The following DLGAP2 variants were observed in gnomAD, a reference collection of about 807,000 sequenced individuals.
DLGAP2 encodes the protein disks large-associated protein 2.
DLGAP2 carries 26 observed loss-of-function variants against 100.3 expected under a neutral mutation model. That is an observed-to-expected ratio of 0.26 (90% CI 0.19 to 0.36). The LOEUF is 0.36. Ranked by LOEUF, DLGAP2 falls within the 10% of genes least tolerant of loss-of-function variation. DLGAP2 has a pLI of 1.00. For synonymous variants in DLGAP2, 886 were observed against 630.1 expected (o/e 1.41, Z -6.08); for missense variants, 1,858 against 1,453.2 (o/e 1.28, Z -4.53).
intron 1 of DLGAP2, among the ~76,000 whole-genome samples, chr8:871,571 T>C (rs1797598647): frequency 6.6e-6 from 1 of 152,222 alleles, no homozygotes; most frequent in Non-Finnish European, 1.5e-5. Flanking sequence ...AAATCCAAAG[T>C]GTTCCAGCTT....
chr8:1,327,625 A>G (rs991577552), intron 3 of DLGAP2, among the ~76,000 whole-genome samples: 1 of 152,282 alleles, frequency 6.6e-6, no homozygotes, highest in East Asian at 1.9e-4. Context: ...CAGGTGGATC[A>G]CGAGGTCAGG....
intron 6 of DLGAP2, among the ~76,000 whole-genome samples, chr8:1,585,934 G>A (rs1453366482): frequency 6.6e-6 from 1 of 152,204 alleles, no homozygotes; most frequent in Non-Finnish European, 1.5e-5. Flanking sequence ...ACTTTCGTGT[G>A]TGTATAAAAA....
chr8:750,424 T>C (rs996547090), intron 1 of DLGAP2, among the ~76,000 whole-genome samples: 1 of 152,190 alleles, frequency 6.6e-6, no homozygotes, highest in Admixed American at 6.5e-5. Flanking sequence ...AGGAATAAAA[T>C]CAAGTGTATT....
chr8:1,299,049 T>G (rs113504283), intron 3 of DLGAP2, among the ~76,000 whole-genome samples: 2,044 of 152,336 alleles, frequency 0.013, 53 homozygotes, highest in African/African-American at 0.046. Flanking sequence ...TCTAGACCAG[T>G]GCTGCCAGCA....
intron 2 of DLGAP2, among the ~76,000 whole-genome samples, chr8:1,229,536 A>G (rs1585171212): frequency 7.0e-6 from 1 of 142,724 alleles, no homozygotes; most frequent in Admixed American, 7.2e-5. Context: ...GTCTCTGAGG[A>G]TCTTTTGTTT....
chr8:1,263,477 C>G (rs1395441241), intron 3 of DLGAP2, among the ~76,000 whole-genome samples: 1 of 152,128 alleles, frequency 6.6e-6, no homozygotes, highest in Admixed American at 6.5e-5. Context: ...AGGAGGAACC[C>G]AGGCCACCTC....
chr8:818,254 G>A (rs1459865719), intron 1 of DLGAP2, among the ~76,000 whole-genome samples: 2 of 152,132 alleles, frequency 1.3e-5, no homozygotes, highest in Non-Finnish European at 2.9e-5. Context: ...CCTCTGCTGA[G>A]TCACACAGGT....
chr8:1,663,261 A>G (rs978877908), intron 8 of DLGAP2, among the ~76,000 whole-genome samples: 5 of 152,042 alleles, frequency 3.3e-5, no homozygotes, highest in African/African-American at 9.7e-5. Context: ...GCGCACTCCA[A>G]GGTGACTTTT....
chr8:747,267 A>G (rs1166749612), intron 1 of DLGAP2, among the ~76,000 whole-genome samples: 1 of 152,128 alleles, frequency 6.6e-6, no homozygotes, highest in Non-Finnish European at 1.5e-5. Flanking sequence ...GTTTTCATTC[A>G]GTAAAAAGAC....
chr8:1,654,032 A>G lies in DLGAP2; in HGVS notation c.1811-14297A>G, dbSNP rs1036060155. Reference sequence around the variant, plus strand: ...ACGGATCAATGTCTGCGCACTCACTATTTGCCATGTGCATGGTAAAAATAA... The same window carrying G: ...ACGGATCAATGTCTGCGCACTCACTGTTTGCCATGTGCATGGTAAAAATAA... On this transcript the variant is annotated intron_variant, in intron 8 of 14. Transcript: ENST00000637795. Among the ~76,000 whole-genome samples, 3 of 152,300 alleles carry G rather than the reference A, an allele frequency of 2.0e-5. No individual in the cohort carries two copies. In the South Asian group the frequency reaches 6.2e-4, roughly 32 times the overall value.
chr8:797,985 C>T lies in DLGAP2; in HGVS notation c.18+60160C>T, dbSNP rs185044251. Among the ~76,000 whole-genome samples, 38 of 152,156 alleles carry T rather than the reference C, an allele frequency of 2.5e-4. No individual in the cohort carries two copies. The East Asian group carries it at 5.8e-3, about 23-fold the overall frequency. Reference sequence around the variant, plus strand: ...CAGGCTGGTCTCGAACTCCTGATGTCGTGATACGCCCACCTCGGCCTCCCA... The same window carrying T: ...CAGGCTGGTCTCGAACTCCTGATGTTGTGATACGCCCACCTCGGCCTCCCA... On this transcript the variant is annotated intron_variant, in intron 1 of 14. Transcript: ENST00000637795.
Position 1,380,632 on chromosome 8 carries a change from A to G in DLGAP2, c.107-120734A>G, listed in dbSNP as rs532762308. 2.0e-5 allele frequency among the ~76,000 whole-genome samples: 3 copies of G among 152,206 alleles called. No homozygotes were observed. In the East Asian group the frequency reaches 5.8e-4, roughly 29 times the overall value. Reference sequence around the variant, plus strand: ...GAACACCCGACCACATCTTACTCCAAATTGCTTCTGAAATTAAAAGTTCGC... The same window carrying G: ...GAACACCCGACCACATCTTACTCCAGATTGCTTCTGAAATTAAAAGTTCGC... On this transcript the variant is annotated intron_variant, in intron 3 of 14. Coordinates refer to ENST00000637795, the MANE Select transcript of DLGAP2 (RefSeq NM_001346810.2).
At chr8:1,421,493 G>A (rs145170069) in intron 3 of DLGAP2, among the ~76,000 whole-genome samples, 37 of 152,252 alleles carry the variant, frequency 2.4e-4, no homozygotes, top group African/African-American at 5.5e-4. Context: ...TTCATGCTAC[G>A]TACTCAGCCT....
chr8:1,464,180 TCCA>T (rs1798542237), intron 3 of DLGAP2, among the ~76,000 whole-genome samples: 1 of 152,032 alleles, frequency 6.6e-6, no homozygotes. Context: ...ACAGCACCCG[TCCA>T]GGACAGCTCC....
intron 3 of DLGAP2, among the ~76,000 whole-genome samples, chr8:1,444,881 C>G (rs1201583849): frequency 6.9e-6 from 1 of 145,546 alleles, no homozygotes; most frequent in Non-Finnish European, 1.5e-5. Context: ...CCAATTCAGG[C>G]AATTCTACTG....
intron 12 of DLGAP2, among the ~76,000 whole-genome samples, chr8:1,684,194 A>C (rs1396311879): frequency 6.6e-6 from 1 of 151,550 alleles, no homozygotes; most frequent in African/African-American, 2.4e-5. Flanking sequence ...CTTTGAACAC[A>C]AGGAACAGAG....
At chr8:778,387 G>T in intron 1 of DLGAP2, among the ~76,000 whole-genome samples, 1 of 152,214 alleles carries the variant, frequency 6.6e-6, no homozygotes, top group Non-Finnish European at 1.5e-5. Context: ...CGTTGCTGGT[G>T]AGGAACTGCG....
intron 3 of DLGAP2, among the ~76,000 whole-genome samples, chr8:1,443,445 T>C: frequency 6.6e-6 from 1 of 152,238 alleles, no homozygotes; most frequent in Non-Finnish European, 1.5e-5. Flanking sequence ...TTTCACTTAA[T>C]GCTTCATGAA....
chr8:1,429,956 A>C (rs1192332512), intron 3 of DLGAP2, among the ~76,000 whole-genome samples: 15 of 131,324 alleles, frequency 1.1e-4, no homozygotes, highest in African/African-American at 3.7e-4. Context: ...TATGCACCTG[A>C]AAATATCATC....
Sources: allele counts gnomAD v4.1 joint callset (sites outside exome capture counted in the v4.1 genomes callset), GRCh38; gene constraint gnomAD v4.1.1; transcripts MANE v1.5; gene names NCBI Gene and HGNC (gene_info 2026-07-23, HGNC 2026-07-21).